Variants in CACHD1 observed in about 807,000 individuals in gnomAD.
CACHD1 encodes the protein cache domain containing 1, also known as VWFA and cache domain-containing protein 1.
A neutral mutation model predicts 138.7 loss-of-function variants in CACHD1; 71 were observed. That is an observed-to-expected ratio of 0.51 (90% CI 0.42 to 0.62). The LOEUF (loss-of-function observed/expected upper bound fraction) is 0.62, where lower values mean the gene tolerates loss of function less well. CACHD1 is among the 20% of genes least tolerant of loss of function. The pLI, the probability that CACHD1 is intolerant of heterozygous loss-of-function variation, is 0.00. For missense variants in CACHD1, 1,389 were observed against 1,625.3 expected, an observed-to-expected ratio of 0.85 and a Z score of 2.50; for synonymous variants, 578 against 591.5, an observed-to-expected ratio of 0.98 and a Z score of 0.33.
Position 64,678,223 on chromosome 1 carries a change from G to A in CACHD1, c.3157G>A (p.Asp1053Asn), listed in dbSNP as rs750471761. 3.1e-6 allele frequency: 5 copies of A among 1,612,394 alleles called. No homozygotes were observed. The highest frequency in any genetic ancestry group is 4.2e-6 in the Non-Finnish European group (5 of 1,179,378). The change falls in exon 23 of 27, where the codon GAC (aspartate) becomes AAC (asparagine). Residue 1053 changes from aspartate (D) to asparagine (N), a missense_variant. Around this residue, in one of 5 missense-constraint regions of CACHD1, gnomAD observed 250 missense variants for 292.9 expected, o/e 0.85. Coordinates refer to ENST00000651257, the MANE Select transcript of CACHD1 (RefSeq NM_020925.4). ...MVDSDGKTHL[D>N]KPYCAPQKEC... ...GGACAGTGATGGAAAGACTCACCTG[G>A]ACAAACCCTACTGTGCCCCCCAGAA...
At chr1:64,632,256 GA>G (rs55924104) in intron 5 of CACHD1, among the ~76,000 whole-genome samples, 4,918 of 129,452 alleles carry the variant, frequency 0.038, 119 homozygotes, top group African/African-American at 0.099. Flanking sequence ...GCTTTTTTCT[GA>G]AAAAAAAAAA....
At chr1:64,486,106 T>C (rs1478234893) in intron 1 of CACHD1, among the ~76,000 whole-genome samples, 1 of 152,192 alleles carries the variant, frequency 6.6e-6, no homozygotes. Flanking sequence ...AATATTTCTC[T>C]AATGAACAAT....
chr1:64,524,612 G>A (rs1646522690), intron 1 of CACHD1, among the ~76,000 whole-genome samples: 1 of 152,270 alleles, frequency 6.6e-6, no homozygotes, highest in South Asian at 2.1e-4. Flanking sequence ...ATTTGCGAGG[G>A]TAATGACAAA....
At position 64,652,281 on chromosome 1, in the gene CACHD1, C is replaced by A. The variant is rs1383684051; in HGVS notation, c.1511C>A (p.Ala504Asp). 6.2e-7 allele frequency: 1 copy of A among 1,611,596 alleles called. No homozygotes were observed. The highest frequency in any genetic ancestry group is 8.5e-7 in the Non-Finnish European group (1 of 1,179,310). ...EDVTYYQDSL[A>D]SYTFLIDDKG... ...GTGACGTATTACCAAGACTCTTTGGCTTCCTATACTTTTCTCATAGACGAC... is the reference window on the plus strand; with the variant it reads ...GTGACGTATTACCAAGACTCTTTGGATTCCTATACTTTTCTCATAGACGAC... The change falls in exon 10 of 27, where the codon GCT (alanine) becomes GAT (aspartate). Residue 504 changes from alanine to aspartate, a missense_variant. By Grantham distance (126) the Ala-to-Asp change is moderately radical. Around this residue, in one of 5 missense-constraint regions of CACHD1, gnomAD observed 1,000 missense variants for 1,114.7 expected, o/e 0.90. Transcript: ENST00000651257.
intron 20 of CACHD1, 29 bp from the exon 21 acceptor site, chr1:64,675,868 T>A: frequency 7.0e-7 from 1 of 1,430,104 alleles, no homozygotes; most frequent in Non-Finnish European, 9.5e-7. Context: ...ATTGACCTTC[T>A]GCATAGTAAC....
intron 3 of CACHD1, among the ~76,000 whole-genome samples, chr1:64,601,867 T>C (rs1647218198): frequency 6.6e-6 from 1 of 152,250 alleles, no homozygotes; most frequent in South Asian, 2.1e-4. Context: ...TGAGGATCTC[T>C]TAGAAACTTT....
chr1:64,671,456 A>G, intron 16 of CACHD1, 108 bp from the exon 17 acceptor site: 1 of 1,145,782 alleles, frequency 8.7e-7, no homozygotes, highest in Non-Finnish European at 1.3e-6. Context: ...GTAGGGAGGA[A>G]CAGTGGGAAG....
At chr1:64,664,224 A>G (rs1414025431) in intron 14 of CACHD1, 1 of 526,168 alleles carries the variant, frequency 1.9e-6, no homozygotes, top group African/African-American at 1.9e-5. Flanking sequence ...GTGTGTATAT[A>G]TGTGTATATT....
intron 3 of CACHD1, among the ~76,000 whole-genome samples, chr1:64,594,190 G>T (rs1647130932): frequency 6.6e-6 from 1 of 151,168 alleles, no homozygotes; most frequent in Non-Finnish European, 1.5e-5. Context: ...GGAGGCAGAG[G>T]TTGCAGTGAG....
chr1:64,556,889 C>T (rs931997471), intron 2 of CACHD1, among the ~76,000 whole-genome samples: 5 of 152,158 alleles, frequency 3.3e-5, no homozygotes, highest in South Asian at 2.1e-4. Flanking sequence ...ATTGGCAAGG[C>T]GGGTGGATCA....
At chr1:64,473,340 G>A (rs1646156816) in intron 1 of CACHD1, among the ~76,000 whole-genome samples, 1 of 152,120 alleles carries the variant, frequency 6.6e-6, no homozygotes, top group South Asian at 2.1e-4. Context: ...AAAGTCGAAT[G>A]CAGGTTAGAT....
chr1:64,606,346 G>T (rs1353338459), intron 4 of CACHD1, among the ~76,000 whole-genome samples: 1 of 152,120 alleles, frequency 6.6e-6, no homozygotes, highest in East Asian at 1.9e-4. Context: ...GTAGACTATG[G>T]GTTTATCTGG....
chr1:64,502,271 C>T (rs984974529), intron 1 of CACHD1, among the ~76,000 whole-genome samples: 2 of 152,156 alleles, frequency 1.3e-5, no homozygotes. Context: ...TCCTCCTGAG[C>T]CCTAAAATTG....
chr1:64,547,124 A>G (rs111742860), intron 1 of CACHD1, among the ~76,000 whole-genome samples: 60 of 152,304 alleles, frequency 3.9e-4, no homozygotes, highest in African/African-American at 1.4e-3. Context: ...GTAGTTTTTT[A>G]GTCTGTAAAA....
At chr1:64,678,406 C>T (rs1570476810) in intron 23 of CACHD1, 96 bp downstream of exon 23, 2 of 1,250,028 alleles carry the variant, frequency 1.6e-6, no homozygotes, top group Admixed American at 3.4e-5. Flanking sequence ...TCCCAACTTC[C>T]CTGATTCCTT....
At chr1:64,654,573 T>C (rs1474138053) in intron 11 of CACHD1, 113 bp from the exon 12 acceptor site, 23 of 719,592 alleles carry the variant, frequency 3.2e-5, no homozygotes. Flanking sequence ...ATGAGCTTCT[T>C]TGGTATTCGA....
intron 1 of CACHD1, among the ~76,000 whole-genome samples, chr1:64,474,249 A>T (rs535768479): frequency 2.3e-4 from 35 of 152,278 alleles, no homozygotes; most frequent in African/African-American, 8.4e-4. Context: ...CCATGGTGGC[A>T]TTGAGGTCTG....
At chr1:64,472,117 A>C (rs1284547452) in intron 1 of CACHD1, among the ~76,000 whole-genome samples, 2 of 150,936 alleles carry the variant, frequency 1.3e-5, no homozygotes, top group Non-Finnish European at 3.0e-5. Flanking sequence ...TACTGTGACC[A>C]CTCCTTCCAC....
At chr1:64,523,307 T>C (rs1646511762) in intron 1 of CACHD1, among the ~76,000 whole-genome samples, 1 of 152,136 alleles carries the variant, frequency 6.6e-6, no homozygotes, top group African/African-American at 2.4e-5. Context: ...AGGTAATGGG[T>C]ATGTGGGGGT....
Sources: allele counts gnomAD v4.1 joint callset (sites outside exome capture counted in the v4.1 genomes callset), GRCh38; gene constraint gnomAD v4.1.1; regional missense constraint gnomAD v4.1.1; transcripts MANE v1.5; gene names NCBI Gene and HGNC (gene_info 2026-07-23, HGNC 2026-07-21).